MCU: variants seen among roughly 807,000 people sequenced by gnomAD.
The protein encoded by MCU is calcium uniporter protein, mitochondrial.
In MCU, 12 loss-of-function variants were observed where a neutral mutation model predicts 45.2. The ratio of observed to expected loss-of-function variants is 0.27; its 90% CI spans 0.17 to 0.43. The LOEUF is 0.43. MCU is among the 20% of genes least tolerant of loss of function. MCU has a pLI of 1.00. For synonymous variants in MCU, 160 were observed against 165.1 expected (o/e 0.97, Z 0.24); for missense variants, 324 against 436.7 (o/e 0.74, Z 2.30).
intron 6 of MCU, among the ~76,000 whole-genome samples, chr10:72,874,897 G>T (rs1845596217): frequency 6.6e-6 from 1 of 152,164 alleles, no homozygotes. Flanking sequence ...AAGAGGTGAA[G>T]CATTCTTTCC....
intron 1 of MCU, among the ~76,000 whole-genome samples, chr10:72,787,807 C>G (rs972797415): frequency 2.6e-5 from 4 of 151,870 alleles, no homozygotes; most frequent in African/African-American, 9.7e-5. Flanking sequence ...CAACCTCTGC[C>G]TCTCAGGTTC....
intron 2 of MCU, among the ~76,000 whole-genome samples, chr10:72,835,615 G>A (rs942250382): frequency 2.0e-5 from 3 of 152,100 alleles, no homozygotes; most frequent in African/African-American, 7.2e-5. Context: ...TTTATAGACA[G>A]TGTGCTCATA....
Position 72,841,712 on chromosome 10 carries a change from A to G in MCU, c.220+7284A>G, listed in dbSNP as rs532418959. ...CTCAGAGGAGAAAGCAGCTCCACCCATTGTAATAATTCATTGCTTTTCTTT... is the reference window on the plus strand; with the variant it reads ...CTCAGAGGAGAAAGCAGCTCCACCCGTTGTAATAATTCATTGCTTTTCTTT... On this transcript the variant is annotated intron_variant, in intron 2 of 7. Coordinates refer to ENST00000373053, the MANE Select transcript of MCU (RefSeq NM_138357.3). 7.2e-5 allele frequency among the ~76,000 whole-genome samples: 11 copies of G among 152,316 alleles called. 1 individual carries two copies. The South Asian group carries it at 2.3e-3, about 32-fold the overall frequency.
intron 1 of MCU, among the ~76,000 whole-genome samples, chr10:72,703,244 G>T (rs1256427726): frequency 6.6e-6 from 1 of 152,168 alleles, no homozygotes; most frequent in Non-Finnish European, 1.5e-5. Context: ...TTTAATTCTT[G>T]TGATACACTA....
At chr10:72,845,050 T>G (rs1845101142) in intron 2 of MCU, among the ~76,000 whole-genome samples, 1 of 152,146 alleles carries the variant, frequency 6.6e-6, no homozygotes, top group Admixed American at 6.5e-5. Flanking sequence ...AAGCACATAT[T>G]AAGATGTATT....
intron 1 of MCU, among the ~76,000 whole-genome samples, chr10:72,711,611 G>A (rs1179454991): frequency 1.3e-5 from 2 of 151,446 alleles, no homozygotes; most frequent in Non-Finnish European, 2.9e-5. Flanking sequence ...TTGGGAGGCT[G>A]AGGTGGGAGG....
chr10:72,743,429 A>AT (rs922922367), intron 1 of MCU, among the ~76,000 whole-genome samples: 4 of 151,462 alleles, frequency 2.6e-5, no homozygotes, highest in Non-Finnish European at 1.5e-5. Flanking sequence ...AAAAAAAAAA[A>AT]AAAGGTTTTT....
intron 1 of MCU, among the ~76,000 whole-genome samples, chr10:72,807,801 A>C (rs1168520590): frequency 1.3e-5 from 2 of 152,204 alleles, no homozygotes; most frequent in Non-Finnish European, 2.9e-5. Flanking sequence ...AACATCTATT[A>C]TTCATAAAAT....
chr10:72,731,376 A>AT (rs1304232227), intron 1 of MCU, among the ~76,000 whole-genome samples: 1 of 152,216 alleles, frequency 6.6e-6, no homozygotes, highest in Non-Finnish European at 1.5e-5. Context: ...AGGAATGGAT[A>AT]TTGGAAAGCT....
chr10:72,737,133 A>G (rs1056527432), intron 1 of MCU, among the ~76,000 whole-genome samples: 2 of 152,200 alleles, frequency 1.3e-5, no homozygotes, highest in African/African-American at 2.4e-5. Flanking sequence ...GTTTGATACT[A>G]TAGCGGTTGT....
intron 1 of MCU, among the ~76,000 whole-genome samples, chr10:72,812,587 AG>A (rs1168348000): frequency 6.6e-6 from 1 of 152,192 alleles, no homozygotes; most frequent in African/African-American, 2.4e-5. Flanking sequence ...AAAAGGACAA[AG>A]GAACCTCAGG....
Position 72,768,173 on chromosome 10 carries a change from G to A in MCU, c.151-66186G>A, listed in dbSNP as rs550054323. Among the ~76,000 whole-genome samples, 5 of 152,034 alleles carry A rather than the reference G, an allele frequency of 3.3e-5. No individual in the cohort carries two copies. The South Asian group carries it at 1.0e-3, about 32-fold the overall frequency. ...AAAAAAAGAAGTTGCATTAATTTTTGCATAAAATAAAATTGTCATAGAATC... is the reference window on the plus strand; with the variant it reads ...AAAAAAAGAAGTTGCATTAATTTTTACATAAAATAAAATTGTCATAGAATC... On this transcript the variant is annotated intron_variant, in intron 1 of 7. Coordinates refer to ENST00000373053, the MANE Select transcript of MCU (RefSeq NM_138357.3).
intron 1 of MCU, among the ~76,000 whole-genome samples, chr10:72,730,332 G>A (rs1281317448): frequency 1.5e-5 from 2 of 132,482 alleles, no homozygotes; most frequent in Non-Finnish European, 3.1e-5. Flanking sequence ...TTTTTGAGAC[G>A]GAGTCTCACT....
chr10:72,779,329 ACT>A (rs1375432779), intron 1 of MCU, among the ~76,000 whole-genome samples: 8 of 152,064 alleles, frequency 5.3e-5, no homozygotes, highest in African/African-American at 1.9e-4. Context: ...CGACAATAAA[ACT>A]CTGAAGACAA....
intron 1 of MCU, among the ~76,000 whole-genome samples, chr10:72,787,388 C>A (rs1844090129): frequency 1.3e-5 from 2 of 152,154 alleles, no homozygotes; most frequent in Non-Finnish European, 2.9e-5. Context: ...CCTGCCTCAG[C>A]CTCGAGAGTA....
chr10:72,731,986 G>A (rs1843181075), intron 1 of MCU, among the ~76,000 whole-genome samples: 1 of 152,140 alleles, frequency 6.6e-6, no homozygotes, highest in Non-Finnish European at 1.5e-5. Context: ...GAGACATAGG[G>A]TAATCCTATG....
rs1182150886 is a variant in MCU at position 72,734,328 on chromosome 10, G to A, written c.150+42027G>A. Among the ~76,000 whole-genome samples the A allele has an allele frequency of 3.3e-5, 5 of 152,332 alleles. No individual in the cohort carries two copies. The South Asian group carries it at 6.2e-4, about 19-fold the overall frequency. On this transcript the variant is annotated intron_variant, in intron 1 of 7. Coordinates refer to ENST00000373053, the MANE Select transcript of MCU (RefSeq NM_138357.3). ...ACTGGCCACATGTGACTTGAGGTGT[G>A]TGTAGTCCAAACTACTATGTACTGC...
intron 6 of MCU, among the ~76,000 whole-genome samples, chr10:72,872,253 AT>A (rs969937646): frequency 4.7e-5 from 7 of 149,000 alleles, no homozygotes; most frequent in Admixed American, 6.7e-5. Context: ...AACATGTATT[AT>A]TTTTTTTTTG....
intron 1 of MCU, among the ~76,000 whole-genome samples, chr10:72,720,489 C>A (rs968224546): frequency 2.0e-5 from 3 of 149,814 alleles, no homozygotes; most frequent in Non-Finnish European, 4.4e-5. Flanking sequence ...CTTTGCAGAT[C>A]CACTGACTAT....
Sources: allele counts gnomAD v4.1 joint callset (sites outside exome capture counted in the v4.1 genomes callset), GRCh38; gene constraint gnomAD v4.1.1; transcripts MANE v1.5; gene names NCBI Gene and HGNC (gene_info 2026-07-23, HGNC 2026-07-21).